Variants in CTDP1 observed in about 807,000 individuals in gnomAD.
CTDP1 encodes RNA polymerase II subunit A C-terminal domain phosphatase.
Under a neutral mutation model 91.8 loss-of-function variants are expected in CTDP1, and 47 were observed. The observed-to-expected ratio is 0.51, with a 90% confidence interval of 0.41 to 0.65. CTDP1 has a LOEUF of 0.65. CTDP1 is among the 30% of genes least tolerant of loss of function. The probability of loss-of-function intolerance (pLI) is 0.00; values close to 1 mark genes in which losing one functional copy is unlikely to be tolerated. For synonymous variants in CTDP1, 656 were observed against 598.5 expected (o/e 1.10, Z -1.40); for missense variants, 1,272 against 1,373.7 (o/e 0.93, Z 1.17).
Position 79,742,569 on chromosome 18 carries a change from C to T in CTDP1, c.2747+6048C>T, listed in dbSNP as rs570757439. ...CTGAATCCACACAAACAAGCAAGCA[C>T]GAGGAATGCAGATTATGTAACTCTG... On this transcript the variant is annotated intron_variant, in intron 12 of 12. Transcript: ENST00000613122. Among the ~76,000 whole-genome samples, 7 of 152,356 alleles carry T rather than the reference C, an allele frequency of 4.6e-5. No individual in the cohort carries two copies. In the South Asian group the frequency reaches 1.4e-3, roughly 32 times the overall value.
chr18:79,684,302 C>A (rs1294720015), intron 1 of CTDP1, among the ~76,000 whole-genome samples: 2 of 152,218 alleles, frequency 1.3e-5, no homozygotes, highest in African/African-American at 4.8e-5. Flanking sequence ...CTAAACAGTT[C>A]TTTATAGCAT....
In CTDP1 at chr18:79,714,740, G is replaced by T; in HGVS notation, c.1280G>T (p.Gly427Val). 3 of 1,601,916 alleles carry T rather than the reference G, an allele frequency of 1.9e-6. No homozygotes were observed. The highest frequency in any genetic ancestry group is 1.7e-6 in the Non-Finnish European group (2 of 1,175,028). Residue 427 changes from glycine to valine, a missense_variant, in exon 8 of 13, where the codon GGA becomes GTA. Gly to Val is a moderately radical substitution (Grantham distance 109). This residue lies in a region of CTDP1 where 881 missense variants were observed against 911.6 expected (regional missense o/e 0.97). Transcript: ENST00000613122. ...QELAGAPEPQ[G>V]SCAQGGRVAP... is the part of the protein sequence containing the mutation. ...CTGGCAGGCGCTCCTGAGCCCCAGG[G>T]ATCCTGTGCGCAGGGTGGCCGGGTG...
chr18:79,712,831 C>T (rs2086110377), intron 6 of CTDP1, 141 bp from the exon 7 acceptor site: 8 of 805,768 alleles, frequency 9.9e-6, no homozygotes, highest in South Asian at 3.2e-5. Context: ...GAAAGGGCTT[C>T]GGGGCGGTTG....
At chr18:79,736,724 G>A (rs947999924) in intron 12 of CTDP1, among the ~76,000 whole-genome samples, 8 of 144,154 alleles carry the variant, frequency 5.5e-5, no homozygotes, top group African/African-American at 2.0e-4. Flanking sequence ...CATGTGTGCA[G>A]GCGTGTGAGG....
chr18:79,699,755 A>G (rs543016769), intron 4 of CTDP1, among the ~76,000 whole-genome samples: 1 of 152,156 alleles, frequency 6.6e-6, no homozygotes, highest in South Asian at 2.1e-4. Context: ...CTTCACTGAT[A>G]CTGTGTTCAC....
At chr18:79,692,814 C>T (rs1204405957) in intron 1 of CTDP1, among the ~76,000 whole-genome samples, 1 of 152,176 alleles carries the variant, frequency 6.6e-6, no homozygotes, top group Non-Finnish European at 1.5e-5. Context: ...CTGTGTGGGG[C>T]AGGAGCTGTG....
chr18:79,724,202 C>T (rs1015083319), intron 10 of CTDP1, among the ~76,000 whole-genome samples: 2 of 152,234 alleles, frequency 1.3e-5, no homozygotes, highest in Non-Finnish European at 2.9e-5. Context: ...TGCAGATGCT[C>T]AGCCCGTAAG....
At chr18:79,702,212 C>T (rs1335976275) in intron 4 of CTDP1, among the ~76,000 whole-genome samples, 1 of 152,108 alleles carries the variant, frequency 6.6e-6, no homozygotes, top group Non-Finnish European at 1.5e-5. Context: ...CATCTTATTT[C>T]AAGAAATCAT....
In CTDP1 at chr18:79,732,980, C is replaced by T. The variant is rs551241087; in HGVS notation, c.2581-3375C>T. 8.6e-5 allele frequency among the ~76,000 whole-genome samples: 13 copies of T among 151,982 alleles called. No homozygotes were observed. The South Asian group carries it at 2.1e-3, about 25-fold the overall frequency. On this transcript the variant is annotated intron_variant, in intron 11 of 12. Transcript: ENST00000613122. Reference sequence around the variant, plus strand: ...CACAGGAGATGTGAGAACTCGCTAACGTGGATTTTTCTTCTGGAAGCGACT... The same window carrying T: ...CACAGGAGATGTGAGAACTCGCTAATGTGGATTTTTCTTCTGGAAGCGACT...
chr18:79,722,356 G>A (rs2086362048), intron 10 of CTDP1, among the ~76,000 whole-genome samples: 1 of 152,214 alleles, frequency 6.6e-6, no homozygotes, highest in Non-Finnish European at 1.5e-5. Flanking sequence ...GTTTAGCTGT[G>A]CCTTCCGTGA....
chr18:79,718,130 A>G, intron 10 of CTDP1, 114 bp downstream of exon 10: 1 of 1,226,222 alleles, frequency 8.2e-7, no homozygotes, highest in Non-Finnish European at 1.2e-6. Context: ...TGGAGGCTGC[A>G]GACGGTGACT....
At position 79,733,632 on chromosome 18, in the gene CTDP1, C is replaced by T. The variant is rs140282967; in HGVS notation, c.2581-2723C>T. Reference sequence around the variant, plus strand: ...TCTGCTGGGCCCCAAAGCTGGCGTCCGCTGCCTCTCCAGCTGCGTTACCTC... The same window carrying T: ...TCTGCTGGGCCCCAAAGCTGGCGTCTGCTGCCTCTCCAGCTGCGTTACCTC... On this transcript the variant is annotated intron_variant, in intron 11 of 12. Transcript: ENST00000613122. Among the ~76,000 whole-genome samples the T allele has an allele frequency of 6.3e-3, 963 of 152,010 alleles. 10 individuals carry two copies. Among genetic ancestry groups the T allele is most frequent in the African/African-American group, 0.021 (891 of 41,510 alleles).
At chr18:79,702,856 G>T (rs1273674327) in intron 4 of CTDP1, 3 of 152,322 alleles carry the variant, frequency 2.0e-5, no homozygotes, top group Non-Finnish European at 4.4e-5. Context: ...GTGGAGTCTA[G>T]TTATAATGTG....
Position 79,727,991 on chromosome 18 carries a change from G to C in CTDP1, c.2418-916G>C, listed in dbSNP as rs77158498. ...GAGAAACTATTTCAAACGGAGCTGC[G>C]GTTTGAACATAGCAGAAAGATCCTT... On this transcript the variant is annotated intron_variant, in intron 10 of 12. Transcript: ENST00000613122. Among the ~76,000 whole-genome samples, 982 of 152,266 alleles carry C rather than the reference G, an allele frequency of 6.4e-3. 43 individuals carry two copies. In the East Asian group the frequency reaches 0.12, roughly 18 times the overall value.
At chr18:79,701,016 G>T (rs1194721520) in intron 4 of CTDP1, among the ~76,000 whole-genome samples, 1 of 152,170 alleles carries the variant, frequency 6.6e-6, no homozygotes, top group Non-Finnish European at 1.5e-5. Context: ...ACCATTCTAA[G>T]CCCGCTCTTG....
chr18:79,681,286 C>A, intron 1 of CTDP1: 1 of 173,012 alleles, frequency 5.8e-6, no homozygotes, highest in Non-Finnish European at 1.1e-5. Flanking sequence ...CACGGGCACT[C>A]ACTCCTGCCC....
intron 11 of CTDP1, among the ~76,000 whole-genome samples, chr18:79,732,439 A>T (rs1283401124): frequency 1.3e-5 from 1 of 78,490 alleles, no homozygotes; most frequent in African/African-American, 4.2e-5. Flanking sequence ...CACGTGAGAC[A>T]TGAGAACTCA....
chr18:79,735,875 T>G, intron 11 of CTDP1: 1 of 183,718 alleles, frequency 5.4e-6, no homozygotes, highest in Non-Finnish European at 1.2e-5. Context: ...AGCGAGCGGG[T>G]GGACATCTTA....
Position 79,753,874 on chromosome 18 carries a change from A to G in CTDP1, c.*84A>G. The G allele has an allele frequency of 6.6e-7, 1 of 1,524,858 alleles. No homozygotes were observed. Among genetic ancestry groups the G allele is most frequent in the Non-Finnish European group, 8.9e-7 (1 of 1,122,126 alleles). The allele number at this position is 1,524,858 out of a possible 1,614,324, so 94.5% of individuals were successfully genotyped here. ...CCGGACCAGCCCTCAGTCTCGGTCC[A>G]CGCTGCTTTCTTCCCAAAGGACATG... On this transcript the variant is annotated 3_prime_UTR_variant, in exon 13 of 13. Transcript: ENST00000613122.
Sources: allele counts gnomAD v4.1 joint callset (sites outside exome capture counted in the v4.1 genomes callset), GRCh38; gene constraint gnomAD v4.1.1; regional missense constraint gnomAD v4.1.1; transcripts MANE v1.5; gene names NCBI Gene and HGNC (gene_info 2026-07-23, HGNC 2026-07-21).